HAUS3: variants seen among roughly 807,000 people sequenced by gnomAD.
HAUS3 encodes the protein HAUS augmin like complex subunit 3.
HAUS3 carries 36 observed loss-of-function variants against 55.2 expected under a neutral mutation model. The observed-to-expected ratio is 0.65, with a 90% CI of 0.50 to 0.86. HAUS3 has a LOEUF of 0.86. Ranked by LOEUF, HAUS3 falls within the 40% of genes least tolerant of loss-of-function variation. HAUS3 has a pLI of 0.00. For missense variants in HAUS3, 752 were observed against 671.5 expected, an observed-to-expected ratio of 1.12 and a Z score of -1.33; for synonymous variants, 234 against 238.6, an observed-to-expected ratio of 0.98 and a Z score of 0.18.
chr4:2,236,185 AT>A (rs746368469), intron 5 of HAUS3, 42 bp downstream of exon 5: 2 of 1,217,588 alleles, frequency 1.6e-6, no homozygotes, highest in African/African-American at 1.5e-5. Flanking sequence ...TACAACAAGC[AT>A]TTTTTTAAAA....
rs1319515737 is a variant in HAUS3, at chr4:2,238,827, G to T, written c.1126C>A (p.Gln376Lys). 5 of 1,612,324 alleles carry T rather than the reference G, an allele frequency of 3.1e-6. No individual in the cohort carries two copies. Among genetic ancestry groups the T allele is most frequent in the South Asian group, 1.1e-5 (1 of 91,024 alleles). The change falls in exon 4 of 6, where the codon CAA becomes AAA. Residue 376 changes from glutamine to lysine, a missense_variant. Physicochemically the swap from Gln to Lys is moderately conservative, Grantham distance 53 (BLOSUM62 1). Transcript: ENST00000443786. ...AATGATGCCTTTTGTTTTATTAATT[G>T]ATTTAAAACTAACTCTTGTCTTGCT... ...YTARQELVLN[Q>K]LIKQKASFEL...
At chr4:2,237,749 A>T (rs1340553044) in intron 4 of HAUS3, among the ~76,000 whole-genome samples, 2 of 152,234 alleles carry the variant, frequency 1.3e-5, no homozygotes, top group Non-Finnish European at 2.9e-5. Flanking sequence ...TATAAAAATA[A>T]ATGTAAAATT....
At chr4:2,234,780 A>C (rs1400268824) in intron 5 of HAUS3, among the ~76,000 whole-genome samples, 2 of 152,222 alleles carry the variant, frequency 1.3e-5, no homozygotes, top group African/African-American at 4.8e-5. Flanking sequence ...ATTCACTGCA[A>C]TTTAAAACGA....
chr4:2,235,578 T>C (rs1346292012), intron 5 of HAUS3, among the ~76,000 whole-genome samples: 1 of 152,236 alleles, frequency 6.6e-6, no homozygotes, highest in Non-Finnish European at 1.5e-5. Flanking sequence ...TATATAGCTT[T>C]ACGTGTATCA....
chr4:2,241,439 C>G (rs944096154), intron 2 of HAUS3, 81 bp downstream of exon 2: 1 of 934,090 alleles, frequency 1.1e-6, no homozygotes, highest in African/African-American at 1.8e-5. Context: ...GGAGGCTAGG[C>G]AGCCTCTCTT....
chr4:2,234,563 G>A (rs564876265), intron 5 of HAUS3: 1 of 153,030 alleles, frequency 6.5e-6, no homozygotes, highest in African/African-American at 2.4e-5. Context: ...ACGGGGACCT[G>A]GGTACATGAT....
At chr4:2,233,724 AG>A (rs1448485846) in intron 5 of HAUS3, among the ~76,000 whole-genome samples, 1 of 152,230 alleles carries the variant, frequency 6.6e-6, no homozygotes, top group African/African-American at 2.4e-5. Context: ...ACATCTAAAA[AG>A]ATCTTTTCTA....
Position 2,241,535 on chromosome 4 carries a change from G to T in HAUS3, c.-163C>A, listed in dbSNP as rs1046207855. ...AAATATTTACCTCAACGTCTCGCCGGGCAAGGCTCCACCTCCAGAGTCCAC... is the reference window on the plus strand; with the variant it reads ...AAATATTTACCTCAACGTCTCGCCGTGCAAGGCTCCACCTCCAGAGTCCAC... On this transcript the variant is annotated 5_prime_UTR_variant, in exon 2 of 6. Coordinates refer to ENST00000443786, the MANE Select transcript of HAUS3 (RefSeq NM_001303143.2). The T allele has an allele frequency of 1.0e-6, 1 of 985,734 alleles. No individual in the cohort carries two copies. The highest frequency in any genetic ancestry group is 6.1e-5 in the Admixed American group (1 of 16,276). The allele number at this position is 985,734 out of a possible 1,614,324, so 61.1% of individuals were successfully genotyped here.
At position 2,242,051 on chromosome 4, in the gene HAUS3, C is replaced by A; in HGVS notation, c.-419G>T. On this transcript the variant is annotated splice_region_variant and 5_prime_UTR_variant, in exon 1 of 6. Coordinates refer to ENST00000443786, the MANE Select transcript of HAUS3 (RefSeq NM_001303143.2). ...CAGAACCGAGGCCCGCGTCAGTCAC[C>A]TCAGGAAGTTCCGCTTGCTTCTCGC... 1 of 985,762 alleles carries A rather than the reference C, an allele frequency of 1.0e-6. No individual in the cohort carries two copies. Among genetic ancestry groups the A allele is most frequent in the Non-Finnish European group, 1.2e-6 (1 of 830,150 alleles). The allele number at this position is 985,762 out of a possible 1,614,324, so 61.1% of individuals were successfully genotyped here.
chr4:2,241,874 C>T (rs1735002382), intron 1 of HAUS3, 84 bp from the exon 2 acceptor site: 3 of 985,534 alleles, frequency 3.0e-6, no homozygotes, highest in Non-Finnish European at 3.6e-6. Flanking sequence ...CGCACAGCCC[C>T]CGCCCCAGCT....
chr4:2,235,696 T>C (rs1043806161), intron 5 of HAUS3, among the ~76,000 whole-genome samples: 2 of 152,132 alleles, frequency 1.3e-5, no homozygotes, highest in Middle Eastern at 3.2e-3. Context: ...ACCAGTATAA[T>C]AACAGCACAT....
At position 2,240,979 on chromosome 4, in the gene HAUS3, T is replaced by TA; in HGVS notation, c.-34dup. ...ACTACCCCAATTTTGTTGTATCTGA[T>TA]ATGGGTTTACGGTGTTGATTTTTAG... On this transcript the variant is annotated 5_prime_UTR_variant, in exon 3 of 6. Transcript: ENST00000443786. 6.6e-7 allele frequency: 1 copy of TA among 1,505,798 alleles called. No individual in the cohort carries two copies. Among genetic ancestry groups the TA allele is most frequent in the Non-Finnish European group, 9.0e-7 (1 of 1,112,720 alleles). The allele number at this position is 1,505,798 out of a possible 1,614,324, so 93.3% of individuals were successfully genotyped here.
At chr4:2,233,930 T>C (rs1452032408) in intron 5 of HAUS3, among the ~76,000 whole-genome samples, 1 of 152,026 alleles carries the variant, frequency 6.6e-6, no homozygotes, top group African/African-American at 2.4e-5. Context: ...AAAAAAAGTG[T>C]ATATACCACC....
intron 5 of HAUS3, chr4:2,234,593 T>G (rs1734691969): frequency 6.6e-6 from 1 of 152,436 alleles, no homozygotes; most frequent in Non-Finnish European, 1.5e-5. Context: ...CCTGGGTCCG[T>G]GAATCAGGAC....
At position 2,240,739 on chromosome 4, in the gene HAUS3, G is replaced by C. The variant is rs780207608; in HGVS notation, c.208C>G (p.Pro70Ala). Residue 70 changes from proline (P) to alanine (A), a missense_variant, in exon 3 of 6, where the codon CCT (proline) becomes GCT (alanine). Coordinates refer to ENST00000443786, the MANE Select transcript of HAUS3 (RefSeq NM_001303143.2). ...AFSILQKSGKPILEGAALDEA... is the reference protein window; with the variant it reads ...AFSILQKSGKAILEGAALDEA... ...TCCAATGCCGCCCCTTCTAGAATAG[G>C]CTTGCCTGATTTCTGAAGAATGCTA... is the stretch of plus-strand genomic sequence containing the variant. The C allele has an allele frequency of 1.2e-6, 2 of 1,613,846 alleles. No individual in the cohort carries two copies. The highest frequency in any genetic ancestry group is 2.2e-5 in the South Asian group (2 of 91,060).
At chr4:2,232,198 T>C in intron 5 of HAUS3, 38 bp from the exon 6 acceptor site, 2 of 890,764 alleles carry the variant, frequency 2.2e-6, no homozygotes, top group South Asian at 1.8e-5. Flanking sequence ...TAAAACACTT[T>C]ATTCCTAATA....
chr4:2,240,738 G>A lies in HAUS3; in HGVS notation c.209C>T (p.Pro70Leu). The A allele has an allele frequency of 6.2e-7, 1 of 1,613,944 alleles. No homozygotes were observed. The highest frequency in any genetic ancestry group is 8.5e-7 in the Non-Finnish European group (1 of 1,179,992). The change falls in exon 3 of 6, where the codon CCT becomes CTT. Residue 70 changes from proline (P) to leucine (L), a missense_variant. Physicochemically the swap from Pro to Leu is moderately conservative, Grantham distance 98 (BLOSUM62 -3). Coordinates refer to ENST00000443786, the MANE Select transcript of HAUS3 (RefSeq NM_001303143.2). ...ATCCAATGCCGCCCCTTCTAGAATA[G>A]GCTTGCCTGATTTCTGAAGAATGCT... ...AFSILQKSGKPILEGAALDEA... is the reference protein window; with the variant it reads ...AFSILQKSGKLILEGAALDEA...
Position 2,239,023 on chromosome 4 carries a change from C to T in HAUS3, c.930G>A (p.Leu310=). Residue 310 remains leucine, a synonymous_variant, in exon 4 of 6, where the codon TTG becomes TTA. Transcript: ENST00000443786. ...TGGTCAAGCTAGAAATTTTAGCATC[C>T]AAATTTTCTTTGTCCACAGCCTATA... The part of the protein sequence containing the change: ...LTSKAVDKEN[L]DAKISSLTSE... 1 of 1,533,516 alleles carries T rather than the reference C, an allele frequency of 6.5e-7. No homozygotes were observed. Among genetic ancestry groups the T allele is most frequent in the Non-Finnish European group, 8.7e-7 (1 of 1,146,284 alleles). 95.0% of individuals were successfully genotyped at this position (1,533,516 alleles called of 1,614,324 possible).
chr4:2,240,361 A>AT lies in HAUS3; in HGVS notation c.585dup (p.Ser196IlefsTer33), dbSNP rs1327031347. ...AGGTATTTTTCCAAGGAAAATTGCGATAAAAATACCAGTGGATTTGTCCCT... is the reference window on the plus strand; with the variant it reads ...AGGTATTTTTCCAAGGAAAATTGCGATTAAAAATACCAGTGGATTTGTCCCT... On this transcript the variant is annotated frameshift_variant, in exon 3 of 6. Coordinates refer to ENST00000443786, the MANE Select transcript of HAUS3 (RefSeq NM_001303143.2). LOFTEE classifies it high-confidence loss of function. The AT allele has an allele frequency of 6.2e-7, 1 of 1,603,334 alleles. No individual in the cohort carries two copies. The highest frequency in any genetic ancestry group is 8.5e-7 in the Non-Finnish European group (1 of 1,173,372).
Sources: allele counts gnomAD v4.1 joint callset (sites outside exome capture counted in the v4.1 genomes callset), GRCh38; gene constraint gnomAD v4.1.1; transcripts MANE v1.5; gene names NCBI Gene and HGNC (gene_info 2026-07-23, HGNC 2026-07-21).